UBXN2B: variants seen among roughly 807,000 people sequenced by gnomAD.
UBXN2B encodes UBX domain protein 2B.
In UBXN2B, 19 loss-of-function variants were observed where a neutral mutation model predicts 37.5. The ratio of observed to expected loss-of-function variants is 0.51; its 90% CI spans 0.35 to 0.74. The LOEUF (loss-of-function observed/expected upper bound fraction) is 0.74. Among genes scored for constraint, UBXN2B ranks in the 30% least tolerant of loss-of-function variants. The pLI, the probability that UBXN2B is intolerant of heterozygous loss-of-function variation, is 0.01. For synonymous variants in UBXN2B, 145 were observed against 143.8 expected, an observed-to-expected ratio of 1.01 and a Z score of -0.06; for missense variants, 370 against 393.2, an observed-to-expected ratio of 0.94 and a Z score of 0.50.
At chr8:58,424,689 G>GA in intron 2 of UBXN2B, 1 of 1,275,922 alleles carries the variant, frequency 7.8e-7, no homozygotes, top group Non-Finnish European at 1.1e-6. Flanking sequence ...GTACAAGGCG[G>GA]GGGGGGGGGC....
chr8:58,435,448 G>C (rs1808386840), intron 5 of UBXN2B, among the ~76,000 whole-genome samples: 1 of 152,150 alleles, frequency 6.6e-6, no homozygotes, highest in African/African-American at 2.4e-5. Flanking sequence ...AAGGTGGGAA[G>C]CTGTCCTAGG....
rs552740850 is a variant in UBXN2B, at chr8:58,430,681, A to T, written c.339+12A>T. Reference sequence around the variant, plus strand: ...ATGATAAATCTAAGGTCAGTGCTCAATTTTAAACTAAATACATTGTTTCTA... The same window carrying T: ...ATGATAAATCTAAGGTCAGTGCTCATTTTTAAACTAAATACATTGTTTCTA... On this transcript the variant is annotated intron_variant, in intron 3 of 7. Coordinates refer to ENST00000399598, the MANE Select transcript of UBXN2B (RefSeq NM_001077619.2). 2 of 1,468,064 alleles carry T rather than the reference A, an allele frequency of 1.4e-6. No homozygotes were observed. Among genetic ancestry groups the T allele is most frequent in the Non-Finnish European group, 1.8e-6 (2 of 1,105,190 alleles). The allele number at this position is 1,468,064 out of a possible 1,614,324, so 90.9% of individuals were successfully genotyped here.
chr8:58,450,390 A>G lies in UBXN2B; in HGVS notation c.*2839A>G, dbSNP rs2129604843. The G allele has an allele frequency of 6.6e-6, 1 of 152,336 alleles. No homozygotes were observed. The highest frequency in any genetic ancestry group is 2.4e-5 in the African/African-American group (1 of 41,576). 9.4% of individuals were successfully genotyped at this position (152,336 alleles called of 1,614,324 possible). On this transcript the variant is annotated 3_prime_UTR_variant, in exon 8 of 8. Coordinates refer to ENST00000399598, the MANE Select transcript of UBXN2B (RefSeq NM_001077619.2). ...TGCTTTACACATAACGGCAGGACAC[A>G]ACTCAGCTTAGCTTTTCGCCACTAT...
chr8:58,413,655 C>A (rs1242729628), intron 1 of UBXN2B, among the ~76,000 whole-genome samples: 1 of 152,116 alleles, frequency 6.6e-6, no homozygotes, highest in African/African-American at 2.4e-5. Context: ...TTGTCAGCAT[C>A]TGAATCAGGA....
chr8:58,446,779 A>ATTTTGTTTTTTTTTTT (rs1808682688), intron 7 of UBXN2B, among the ~76,000 whole-genome samples: 2 of 17,386 alleles, frequency 1.2e-4, no homozygotes, highest in Admixed American at 6.2e-4. Context: ...TACAACCTGC[A>ATTTTGTTTTTTTTTTT]TTTTTTTTTT....
rs79167023 is a variant in UBXN2B at position 58,439,803 on chromosome 8, T to C, written c.671+33T>C. On this transcript the variant is annotated intron_variant, in intron 6 of 7. Coordinates refer to ENST00000399598, the MANE Select transcript of UBXN2B (RefSeq NM_001077619.2). ...TCCTAAAATGAGAAAAATACCTTTG[T>C]TGAACATGAATTTTTCTTTGAGAAT... The C allele has an allele frequency of 5.9e-4, 930 of 1,565,578 alleles. 2 individuals are homozygous for C. In the African/African-American group the frequency reaches 0.011, roughly 19 times the overall value.
chr8:58,437,881 C>T (rs1808453590), intron 5 of UBXN2B, among the ~76,000 whole-genome samples: 1 of 152,058 alleles, frequency 6.6e-6, no homozygotes, highest in Non-Finnish European at 1.5e-5. Flanking sequence ...AGAAGAGAGC[C>T]TAGCCTAGTG....
intron 2 of UBXN2B, chr8:58,425,583 G>A (rs377431889): frequency 2.7e-5 from 29 of 1,060,000 alleles, no homozygotes; most frequent in African/African-American, 1.1e-4. Context: ...CTTTTCGGCC[G>A]TAGAGAAGTA....
In UBXN2B at chr8:58,445,999, C is replaced by T. The variant is rs1416381497; in HGVS notation, c.764C>T (p.Pro255Leu). The change falls in exon 7 of 8, where the codon CCA becomes CTA. Residue 255 changes from proline to leucine, a missense_variant. Coordinates refer to ENST00000399598, the MANE Select transcript of UBXN2B (RefSeq NM_001077619.2). ...GTTGTTCTTATTGATGATTCAGTGC[C>T]AACAACAAAAATTCAAATCAGGTTA... ...NAVVLIDDSV[P>L]TTKIQIRLAD... 1 of 1,613,178 alleles carries T rather than the reference C, an allele frequency of 6.2e-7. No individual in the cohort carries two copies. Among genetic ancestry groups the T allele is most frequent in the Non-Finnish European group, 8.5e-7 (1 of 1,179,660 alleles).
At chr8:58,425,987 G>C in intron 2 of UBXN2B, 1 of 1,450,080 alleles carries the variant, frequency 6.9e-7, no homozygotes, top group South Asian at 1.1e-5. Context: ...TCCTTTTTCA[G>C]TTAATAATTT....
intron 2 of UBXN2B, among the ~76,000 whole-genome samples, chr8:58,427,607 G>T (rs950350007): frequency 2.0e-5 from 3 of 152,228 alleles, no homozygotes; most frequent in Non-Finnish European, 2.9e-5. Flanking sequence ...GGGAAAGAGG[G>T]AAGACTTAAA....
chr8:58,446,784 T>G (rs1032882349), intron 7 of UBXN2B, among the ~76,000 whole-genome samples: 13 of 59,484 alleles, frequency 2.2e-4, no homozygotes, highest in Admixed American at 8.9e-4. Context: ...CCTGCATTTT[T>G]TTTTTTTTTT....
At chr8:58,436,113 G>A (rs1808406006) in intron 5 of UBXN2B, among the ~76,000 whole-genome samples, 2 of 150,982 alleles carry the variant, frequency 1.3e-5, no homozygotes, top group Admixed American at 6.6e-5. Flanking sequence ...GTACCTCTGT[G>A]CAGTCTAGCA....
rs891218697 is a variant in UBXN2B, at chr8:58,416,876, T to C, written c.111T>C (p.Asp37=). The stretch of plus-strand genomic sequence containing the variant: ...TGGCCTTGGCAGAATTGTATGAAGA[T>C]GAAGTGAAGTGCAAATCTTCCAAGT... ...LQLALAELYE[D]EVKCKSSKSN... is the part of the protein sequence containing the mutation. The change falls in exon 2 of 8, where the codon GAT becomes GAC. Residue 37 remains aspartate (D), a synonymous_variant. Coordinates refer to ENST00000399598, the MANE Select transcript of UBXN2B (RefSeq NM_001077619.2). 2.5e-6 allele frequency: 4 copies of C among 1,612,740 alleles called. No homozygotes were observed. Among genetic ancestry groups the C allele is most frequent in the Non-Finnish European group, 3.4e-6 (4 of 1,179,044 alleles).
At chr8:58,434,975 A>G in intron 5 of UBXN2B, 2 of 1,534,606 alleles carry the variant, frequency 1.3e-6, no homozygotes, top group Non-Finnish European at 1.7e-6. Flanking sequence ...AATTTGTGAA[A>G]GTAAACTCAG....
chr8:58,439,081 T>G (rs1242762627), intron 5 of UBXN2B, among the ~76,000 whole-genome samples: 1 of 152,158 alleles, frequency 6.6e-6, no homozygotes, highest in Non-Finnish European at 1.5e-5. Context: ...TGCCTTCCAC[T>G]GTGATTGTAA....
chr8:58,446,699 G>C (rs1808679178), intron 7 of UBXN2B, among the ~76,000 whole-genome samples: 1 of 144,188 alleles, frequency 6.9e-6, no homozygotes, highest in Admixed American at 7.0e-5. Flanking sequence ...GACTCACCTT[G>C]CCACAGGCCA....
intron 2 of UBXN2B, chr8:58,424,447 T>C: frequency 1.8e-6 from 1 of 543,758 alleles, no homozygotes; most frequent in South Asian, 2.1e-5. Context: ...AAATTTTGCT[T>C]ATCAAAAGGT....
chr8:58,426,332 G>T lies in UBXN2B; in HGVS notation c.189-4187G>T. On this transcript the variant is annotated intron_variant, in intron 2 of 7. Coordinates refer to ENST00000399598, the MANE Select transcript of UBXN2B (RefSeq NM_001077619.2). ...TGCCATTCTCCTGCCTCAGCCTCCT[G>T]AGTAGCTGGGACTACAGGTGCCTGC... is the stretch of plus-strand genomic sequence containing the variant. The T allele has an allele frequency of 6.1e-6, 3 of 494,250 alleles. No individual in the cohort carries two copies. The South Asian group carries it at 6.2e-5, about 10-fold the overall frequency. The allele number at this position is 494,250 out of a possible 1,614,324, so 30.6% of individuals were successfully genotyped here.
Sources: gnomAD v4.1 joint callset for allele counts (sites outside exome capture counted in the v4.1 genomes callset) on GRCh38, gnomAD v4.1.1 for gene constraint, MANE v1.5 for transcripts, NCBI Gene and HGNC (gene_info 2026-07-23, HGNC 2026-07-21) for gene names.